SPTA1: variants seen among roughly 807,000 people sequenced by gnomAD.
SPTA1 encodes spectrin alpha, erythrocytic 1.
Under a neutral mutation model 324.7 loss-of-function variants are expected in SPTA1, and 177 were observed. The ratio of observed to expected loss-of-function variants is 0.55; its 90% confidence interval spans 0.48 to 0.62. SPTA1 has a LOEUF of 0.62. SPTA1 is among the 20% of genes least tolerant of loss of function. SPTA1 has a pLI of 0.00. For synonymous variants in SPTA1, 1,195 were observed against 1,041.3 expected, an observed-to-expected ratio of 1.15 and a Z score of -2.84; for missense variants, 3,162 against 2,883.6, an observed-to-expected ratio of 1.10 and a Z score of -2.21.
At chr1:158,611,495 G>A in intron 51 of SPTA1, 106 bp from the exon 52 acceptor site, 2 of 1,321,570 alleles carry the variant, frequency 1.5e-6, no homozygotes, top group Non-Finnish European at 2.1e-6. Flanking sequence ...AGAGTCTCTG[G>A]AAGACGCAAG....
rs752760565 is a variant in SPTA1, at chr1:158,676,347, CT to C, written c.958-53del. 5 of 1,603,244 alleles carry C rather than the reference CT, an allele frequency of 3.1e-6. No individual in the cohort carries two copies. The South Asian group carries it at 5.5e-5, about 18-fold the overall frequency. ...GGAAATCCAAGTACTCTGACTCCCCCTGGCAAAGCTTTGTGGGAGAGGTATA... is the reference window on the plus strand; with the variant it reads ...GGAAATCCAAGTACTCTGACTCCCCCGGCAAAGCTTTGTGGGAGAGGTATA... On this transcript the variant is annotated intron_variant, in intron 7 of 51. Transcript: ENST00000643759.
chr1:158,623,962 G>A (rs570517311), intron 42 of SPTA1, among the ~76,000 whole-genome samples: 1 of 152,354 alleles, frequency 6.6e-6, no homozygotes, highest in Non-Finnish European at 1.5e-5. Context: ...GTAGCCAAAA[G>A]GGGCCAAGGT....
intron 39 of SPTA1, among the ~76,000 whole-genome samples, chr1:158,628,830 T>C (rs1338770915): frequency 6.6e-6 from 1 of 151,962 alleles, no homozygotes; most frequent in East Asian, 1.9e-4. Flanking sequence ...AACTAGAATA[T>C]CTAGAGAAAA....
In SPTA1 at chr1:158,623,101, T is replaced by C. The variant is rs771292657; in HGVS notation, c.6002A>G (p.Asn2001Ser). The C allele has an allele frequency of 1.4e-5, 22 of 1,613,960 alleles. No individual in the cohort carries two copies. In the African/African-American group the frequency reaches 2.4e-4, roughly 18 times the overall value. ...LKDKLISAQH[N>S]QSKAIEERYA... Reference sequence around the variant, plus strand: ...ACGCTCTTCAATGGCTTTAGACTGGTTGTGTTGAGCAGAAATCAGTTTGTC... The same window carrying C: ...ACGCTCTTCAATGGCTTTAGACTGGCTGTGTTGAGCAGAAATCAGTTTGTC... The change falls in exon 43 of 52, where the codon AAC becomes AGC. Residue 2001 changes from asparagine to serine, a missense_variant. By Grantham distance (46) the Asn-to-Ser change is conservative. Coordinates refer to ENST00000643759, the MANE Select transcript of SPTA1 (RefSeq NM_003126.4).
intron 42 of SPTA1, among the ~76,000 whole-genome samples, chr1:158,624,247 C>T (rs936845231): frequency 2.0e-5 from 3 of 152,168 alleles, no homozygotes; most frequent in African/African-American, 7.2e-5. Flanking sequence ...TGCCTAGTGT[C>T]CTCCAGACTC....
chr1:158,674,767 G>A lies in SPTA1; in HGVS notation c.1113-92C>T, dbSNP rs1055271793. ...TTAGGTTTGGGGTGAGGTAAGATGT[G>A]TGAGATGCTCCTTACTCTAATCCTA... On this transcript the variant is annotated intron_variant, in intron 8 of 51. Transcript: ENST00000643759. 7.9e-6 allele frequency: 12 copies of A among 1,512,978 alleles called. No homozygotes were observed. The African/African-American group carries it at 1.4e-4, about 17-fold the overall frequency. The allele number at this position is 1,512,978 out of a possible 1,614,324, so 93.7% of individuals were successfully genotyped here.
At position 158,627,670 on chromosome 1, in the gene SPTA1, G is replaced by A. The variant is rs372084800; in HGVS notation, c.5619C>T (p.Thr1873=). ...CTTGTGCACACACATTTTGTACTCG[G>A]GTCTCATGGACAGCAAAGTCATTTT... The part of the protein sequence containing the change: ...ALENDFAVHE[T]RVQNVCAQGE... The change falls in exon 40 of 52, where the codon ACC becomes ACT. Residue 1873 remains threonine (T), a synonymous_variant. Transcript: ENST00000643759. 1.6e-5 allele frequency: 26 copies of A among 1,613,156 alleles called. No individual in the cohort carries two copies. The highest frequency in any genetic ancestry group is 2.1e-5 in the Non-Finnish European group (25 of 1,179,752).
chr1:158,684,633 A>T (rs910913723), intron 2 of SPTA1, among the ~76,000 whole-genome samples: 1 of 152,050 alleles, frequency 6.6e-6, no homozygotes, highest in African/African-American at 2.4e-5. Context: ...CATCACTCCC[A>T]CTACAATTAA....
intron 21 of SPTA1, among the ~76,000 whole-genome samples, chr1:158,653,773 C>T (rs1452999413): frequency 1.3e-5 from 2 of 151,364 alleles, no homozygotes; most frequent in Admixed American, 6.6e-5. Context: ...GGCAGTGGAG[C>T]GTCTGTGTAA....
intron 10 of SPTA1, among the ~76,000 whole-genome samples, chr1:158,673,179 G>T (rs1046634351): frequency 6.6e-6 from 1 of 151,100 alleles, no homozygotes; most frequent in South Asian, 2.1e-4. Context: ...AAGTTTTTAA[G>T]TACTTTTGAG....
intron 42 of SPTA1, among the ~76,000 whole-genome samples, chr1:158,624,351 G>A (rs111900085): frequency 2.0e-5 from 3 of 152,078 alleles, no homozygotes; most frequent in African/African-American, 7.2e-5. Flanking sequence ...GAGGGAGGCT[G>A]TACCCTGCAA....
At chr1:158,619,523 G>A (rs1487961655) in intron 44 of SPTA1, among the ~76,000 whole-genome samples, 189 bp from the exon 45 acceptor site, 5 of 152,166 alleles carry the variant, frequency 3.3e-5, no homozygotes, top group African/African-American at 1.2e-4. Context: ...AAGATAGCCT[G>A]TGTATTTCCC....
At chr1:158,627,076 A>G (rs1280857345) in intron 40 of SPTA1, 69 bp from the exon 41 acceptor site, 2 of 1,584,824 alleles carry the variant, frequency 1.3e-6, no homozygotes, top group Non-Finnish European at 1.7e-6. Context: ...ATTAGTACCA[A>G]TAGAAAGCAC....
chr1:158,655,964 T>G (rs1332732106), intron 20 of SPTA1, among the ~76,000 whole-genome samples: 1 of 152,350 alleles, frequency 6.6e-6, no homozygotes, highest in Middle Eastern at 3.4e-3. Context: ...CACAGTAAAC[T>G]ACCCATCTGT....
chr1:158,612,571 A>G, intron 51 of SPTA1: 1 of 494,978 alleles, frequency 2.0e-6, no homozygotes, highest in Middle Eastern at 5.7e-4. Context: ...AAAAAAAGAA[A>G]TAGCCTTAAA....
intron 15 of SPTA1, 60 bp from the exon 16 acceptor site, chr1:158,666,557 A>G: frequency 3.5e-6 from 5 of 1,416,978 alleles, no homozygotes; most frequent in Non-Finnish European, 4.9e-6. Flanking sequence ...TTTACACTAT[A>G]ATATACCTTC....
At chr1:158,622,937 T>TA in intron 43 of SPTA1, 46 bp downstream of exon 43, 1 of 1,506,856 alleles carries the variant, frequency 6.6e-7, no homozygotes, top group Non-Finnish European at 9.2e-7. Flanking sequence ...TCATGGCTAA[T>TA]ATACAGGTAA....
chr1:158,656,730 G>C, intron 19 of SPTA1, 74 bp from the exon 20 acceptor site: 1 of 1,394,450 alleles, frequency 7.2e-7, no homozygotes, highest in Non-Finnish European at 1.0e-6. Flanking sequence ...ATTATTTTGG[G>C]TTATGCTATT....
At chr1:158,635,654 T>C (rs1233637500) in intron 38 of SPTA1, among the ~76,000 whole-genome samples, 1 of 152,150 alleles carries the variant, frequency 6.6e-6, no homozygotes, top group East Asian at 1.9e-4. Context: ...GGATAACACA[T>C]GTAGGAAAAC....
Sources: gnomAD v4.1 joint callset for allele counts (sites outside exome capture counted in the v4.1 genomes callset) on GRCh38, gnomAD v4.1.1 for gene constraint, MANE v1.5 for transcripts, NCBI Gene and HGNC (gene_info 2026-07-23, HGNC 2026-07-21) for gene names.